Variants in FOXN3 observed in about 807,000 individuals in gnomAD.
The protein encoded by FOXN3 is forkhead box protein N3.
A neutral mutation model predicts 38.4 loss-of-function variants in FOXN3; 7 were observed. The ratio of observed to expected loss-of-function variants is 0.18; its 90% CI spans 0.10 to 0.34. The LOEUF (loss-of-function observed/expected upper bound fraction) is 0.34, where lower values mean the gene tolerates loss of function less well. Among genes scored for constraint, FOXN3 ranks in the 10% least tolerant of loss-of-function variants. FOXN3 has a pLI of 1.00. For synonymous variants in FOXN3, 230 were observed against 242.2 expected (o/e 0.95, Z 0.47); for missense variants, 456 against 613.4 (o/e 0.74, Z 2.71).
intron 4 of FOXN3, among the ~76,000 whole-genome samples, chr14:89,199,900 T>C (rs560214589): frequency 6.6e-6 from 1 of 151,880 alleles, no homozygotes; most frequent in Non-Finnish European, 1.5e-5. Flanking sequence ...CGAGACTCCA[T>C]CTCAGACAAC....
intron 2 of FOXN3, among the ~76,000 whole-genome samples, chr14:89,396,358 G>A (rs1300123191): frequency 6.6e-6 from 1 of 152,174 alleles, no homozygotes; most frequent in African/African-American, 2.4e-5. Flanking sequence ...CAGGCCAAGG[G>A]GCAGCTGACC....
intron 4 of FOXN3, among the ~76,000 whole-genome samples, chr14:89,264,945 C>T (rs964464139): frequency 2.0e-4 from 30 of 152,184 alleles, no homozygotes; most frequent in African/African-American, 7.2e-4. Flanking sequence ...TACCAGGTGA[C>T]ACTGTGCTAA....
chr14:89,245,974 G>A (rs1885283460), intron 4 of FOXN3, among the ~76,000 whole-genome samples: 1 of 152,108 alleles, frequency 6.6e-6, no homozygotes, highest in African/African-American at 2.4e-5. Context: ...GCCACGACTT[G>A]CCAGCTTGAT....
chr14:89,224,854 G>A (rs551365364), intron 4 of FOXN3, among the ~76,000 whole-genome samples: 1 of 152,174 alleles, frequency 6.6e-6, no homozygotes, highest in Non-Finnish European at 1.5e-5. Flanking sequence ...CTTAAGGACG[G>A]GTGTGGTGGC....
intron 1 of FOXN3, among the ~76,000 whole-genome samples, chr14:89,497,173 C>A (rs1321310429): frequency 2.6e-5 from 4 of 152,028 alleles, no homozygotes; most frequent in African/African-American, 9.7e-5. Context: ...CCAGGCTGGT[C>A]TAGAGCTCCT....
At chr14:89,523,346 A>G (rs1004296186) in intron 1 of FOXN3, among the ~76,000 whole-genome samples, 1 of 152,220 alleles carries the variant, frequency 6.6e-6, no homozygotes, top group Non-Finnish European at 1.5e-5. Flanking sequence ...GAACAATACT[A>G]TCAACCAAAT....
intron 4 of FOXN3, chr14:89,223,342 T>C (rs1367218956): frequency 2.0e-5 from 3 of 152,350 alleles, no homozygotes; most frequent in Admixed American, 6.5e-5. Context: ...CCAGACCCCA[T>C]GGCCTCCTGC....
chr14:89,496,960 C>A (rs563886086), intron 1 of FOXN3, among the ~76,000 whole-genome samples: 73 of 152,148 alleles, frequency 4.8e-4, no homozygotes, highest in African/African-American at 1.7e-3. Context: ...TCAGAATCTT[C>A]TTTCTTTTTT....
At position 89,579,172 on chromosome 14, in the gene FOXN3, A is replaced by G. The variant is rs184587546; in HGVS notation, c.-15+39856T>C. On this transcript the variant is annotated intron_variant, in intron 1 of 6. Transcript: ENST00000345097. ...GCCATTTTTTTTTTTTTTTTTTTAG[A>G]CAAGGTCTCACCCTGTCACCCAGGC... 2.8e-3 allele frequency among the ~76,000 whole-genome samples: 370 copies of G among 134,234 alleles called. 3 individuals are homozygous for G. Among genetic ancestry groups the G allele is most frequent in the Admixed American group, 7.7e-3 (100 of 12,910 alleles). 88.1% of individuals were successfully genotyped at this position (134,234 alleles called of 152,430 possible). A position where few individuals can be genotyped will look rare whatever the true frequency, so the allele number is the denominator to read the frequency against.
At chr14:89,366,114 G>A (rs1354261297) in intron 2 of FOXN3, among the ~76,000 whole-genome samples, 1 of 152,124 alleles carries the variant, frequency 6.6e-6, no homozygotes, top group Admixed American at 6.5e-5. Flanking sequence ...TTAGCCTGGT[G>A]TGGTGGCGGA....
intron 4 of FOXN3, among the ~76,000 whole-genome samples, chr14:89,231,328 C>T (rs1035851392): frequency 3.3e-5 from 5 of 152,132 alleles, no homozygotes; most frequent in Non-Finnish European, 5.9e-5. Context: ...GTAGGAAATA[C>T]TTGCAACAAA....
rs184412469 is a variant in FOXN3 at position 89,355,796 on chromosome 14, G to A, written c.544-4988C>T. 5.1e-3 allele frequency among the ~76,000 whole-genome samples: 784 copies of A among 152,322 alleles called. 2 individuals are homozygous for A. Among genetic ancestry groups the A allele is most frequent in the Non-Finnish European group, 8.7e-3 (589 of 68,028 alleles). ...GGGTCAACAAAGTTTGGTATCCACT[G>A]ATCTAGGACAGTAGTGTCTGGTTGT... is the stretch of plus-strand genomic sequence containing the variant. On this transcript the variant is annotated intron_variant, in intron 2 of 5. Coordinates refer to ENST00000557258, the MANE Select transcript of FOXN3 (RefSeq NM_005197.4).
At position 89,162,169 on chromosome 14, in the gene FOXN3, A is replaced by C. The variant is rs926965377; in HGVS notation, c.*245T>G. ...TCTTCAGATAATGAAAAGCTTTTGT[A>C]AAACAGCTGAGTGTCAATATGAGTT... On this transcript the variant is annotated 3_prime_UTR_variant, in exon 6 of 6. Coordinates refer to ENST00000557258, the MANE Select transcript of FOXN3 (RefSeq NM_005197.4). This position sits in a 1 kb window ranked among gnomAD's most constrained non-coding sequence, Gnocchi z 7.2. The C allele has an allele frequency of 8.8e-6, 3 of 341,050 alleles. No individual in the cohort carries two copies. Among genetic ancestry groups the C allele is most frequent in the Non-Finnish European group, 1.6e-5 (3 of 191,558 alleles). The allele number at this position is 341,050 out of a possible 1,614,324, so 21.1% of individuals were successfully genotyped here. A position where few individuals can be genotyped will look rare whatever the true frequency, so the allele number is the denominator to read the frequency against.
intron 3 of FOXN3, among the ~76,000 whole-genome samples, chr14:89,329,566 C>A (rs1352104683): frequency 1.3e-5 from 2 of 152,122 alleles, no homozygotes; most frequent in Non-Finnish European, 1.5e-5. Context: ...ATAAACAATT[C>A]TCTGGCCCCT....
intron 2 of FOXN3, among the ~76,000 whole-genome samples, chr14:89,407,935 A>G (rs1480450469): frequency 6.6e-6 from 1 of 152,226 alleles, no homozygotes; most frequent in Admixed American, 6.5e-5. Flanking sequence ...GATGTGTGTT[A>G]TGGGGGTATA....
At chr14:89,581,554 T>G (rs761122577) in intron 1 of FOXN3, among the ~76,000 whole-genome samples, 1 of 152,112 alleles carries the variant, frequency 6.6e-6, no homozygotes, top group Non-Finnish European at 1.5e-5. Flanking sequence ...GTCACTTGTA[T>G]GATACGTGTC....
intron 4 of FOXN3, among the ~76,000 whole-genome samples, chr14:89,245,984 T>G (rs1233302843): frequency 6.6e-6 from 1 of 152,176 alleles, no homozygotes; most frequent in African/African-American, 2.4e-5. Flanking sequence ...GCCAGCTTGA[T>G]TTAATAAGTC....
chr14:89,418,660 A>T (rs1354940592), upstream of FOXN3, among the ~76,000 whole-genome samples: 3 of 152,166 alleles, frequency 2.0e-5, no homozygotes, highest in East Asian at 5.8e-4. Context: ...CAAAAGGCAC[A>T]AGGTGGCAGA....
chr14:89,486,029 G>C (rs1244747142), intron 1 of FOXN3, among the ~76,000 whole-genome samples: 1 of 152,118 alleles, frequency 6.6e-6, no homozygotes, highest in Non-Finnish European at 1.5e-5. Flanking sequence ...TCATAGCCCT[G>C]GCCCTATGCT....
Sources: allele counts gnomAD v4.1 joint callset (sites outside exome capture counted in the v4.1 genomes callset), GRCh38; gene constraint gnomAD v4.1.1; non-coding constraint Gnocchi (gnomAD v3.1); transcripts MANE v1.5; gene names NCBI Gene and HGNC (gene_info 2026-07-23, HGNC 2026-07-21).